AGK: variants seen among roughly 807,000 people sequenced by gnomAD.
AGK encodes acylglycerol kinase, mitochondrial.
A neutral mutation model predicts 66.4 loss-of-function variants in AGK; 52 were observed. The ratio of observed to expected loss-of-function variants is 0.78; its 90% CI spans 0.63 to 0.99. The LOEUF (loss-of-function observed/expected upper bound fraction) is 0.99, where lower values mean the gene tolerates loss of function less well. AGK is among the 50% of genes least tolerant of loss of function. AGK has a pLI of 0.00. For missense variants in AGK, 451 were observed against 506.6 expected, an observed-to-expected ratio of 0.89 and a Z score of 1.05; for synonymous variants, 182 against 181.1, an observed-to-expected ratio of 1.00 and a Z score of -0.04.
intron 2 of AGK, among the ~76,000 whole-genome samples, chr7:141,591,602 G>T (rs1257492547): frequency 6.6e-6 from 1 of 152,184 alleles, no homozygotes; most frequent in East Asian, 1.9e-4. Flanking sequence ...TCACCCAGAA[G>T]AGCCTGTTGC....
chr7:141,644,820 T>C (rs1797371945), intron 13 of AGK, among the ~76,000 whole-genome samples: 1 of 152,132 alleles, frequency 6.6e-6, no homozygotes, highest in African/African-American at 2.4e-5. Flanking sequence ...AAGCCAGTTG[T>C]CCAAGCGCCA....
chr7:141,621,092 C>G (rs1237811277), intron 8 of AGK, among the ~76,000 whole-genome samples: 2 of 152,170 alleles, frequency 1.3e-5, no homozygotes, highest in Admixed American at 1.3e-4. Context: ...ATCATCGAAC[C>G]TAATCATTGC....
At chr7:141,569,407 G>A (rs775616840) in intron 2 of AGK, among the ~76,000 whole-genome samples, 60 of 152,064 alleles carry the variant, frequency 3.9e-4, no homozygotes, top group Non-Finnish European at 6.3e-4. Context: ...GGCGGTGTGC[G>A]CCTGTAGTCC....
In AGK at chr7:141,654,287, C is replaced by T. The variant is rs1251840482; in HGVS notation, c.*1363C>T. ...AGAATGTTCTTTATCCTAATTAGTT[C>T]ATTTATCCAAGAATACATGAATGTG... On this transcript the variant is annotated 3_prime_UTR_variant, in exon 16 of 16. Transcript: ENST00000649286. The T allele has an allele frequency of 6.6e-6, 1 of 152,094 alleles. No individual in the cohort carries two copies. The highest frequency in any genetic ancestry group is 1.5e-5 in the Non-Finnish European group (1 of 68,012). 9.4% of individuals were successfully genotyped at this position (152,094 alleles called of 1,614,324 possible).
At chr7:141,630,730 A>G (rs1797037781) in intron 9 of AGK, among the ~76,000 whole-genome samples, 1 of 152,224 alleles carries the variant, frequency 6.6e-6, no homozygotes, top group Non-Finnish European at 1.5e-5. Context: ...AGTTGAAGGC[A>G]TTAAGTGGGA....
At chr7:141,651,775 A>C (rs374624714) in intron 15 of AGK, among the ~76,000 whole-genome samples, 166 bp downstream of exon 15, 1 of 152,232 alleles carries the variant, frequency 6.6e-6, no homozygotes, top group African/African-American at 2.4e-5. Context: ...GGAGCTGAAA[A>C]GGATGGCAGA....
At chr7:141,634,133 G>C (rs1158723389) in intron 10 of AGK, among the ~76,000 whole-genome samples, 153 bp downstream of exon 10, 1 of 152,190 alleles carries the variant, frequency 6.6e-6, no homozygotes, top group African/African-American at 2.4e-5. Flanking sequence ...GGAACAATCA[G>C]GTAGAGGTTT....
At chr7:141,565,741 A>G (rs898230873) in intron 2 of AGK, among the ~76,000 whole-genome samples, 1 of 151,718 alleles carries the variant, frequency 6.6e-6, no homozygotes, top group African/African-American at 2.4e-5. Context: ...TGCTCCCTCT[A>G]CATCTCTTAA....
chr7:141,631,379 A>C (rs1471187081), intron 9 of AGK, among the ~76,000 whole-genome samples: 1 of 152,204 alleles, frequency 6.6e-6, no homozygotes, highest in African/African-American at 2.4e-5. Flanking sequence ...ACTTCAAAAC[A>C]ATTGTTCTAC....
chr7:141,588,247 C>T (rs1249714868), intron 2 of AGK, among the ~76,000 whole-genome samples: 2 of 152,146 alleles, frequency 1.3e-5, no homozygotes, highest in African/African-American at 4.8e-5. Flanking sequence ...AGAAAGGGGT[C>T]CCAATCCAGA....
chr7:141,601,599 TG>T (rs1448270962), intron 5 of AGK, among the ~76,000 whole-genome samples: 1 of 152,188 alleles, frequency 6.6e-6, no homozygotes, highest in East Asian at 1.9e-4. Context: ...CCTTCAAGTC[TG>T]AGTAATTAAT....
intron 2 of AGK, among the ~76,000 whole-genome samples, chr7:141,587,807 C>G (rs1281424621): frequency 2.0e-5 from 3 of 152,222 alleles, no homozygotes; most frequent in Admixed American, 6.5e-5. Flanking sequence ...CCCTACTAAA[C>G]TATAAACTTC....
intron 2 of AGK, among the ~76,000 whole-genome samples, chr7:141,558,456 C>T (rs1224931853): frequency 1.3e-4 from 20 of 151,928 alleles, no homozygotes; most frequent in African/African-American, 9.7e-5. Context: ...TGAGCCACTG[C>T]GCCTGGCCTA....
chr7:141,612,642 G>A (rs1796615452), intron 6 of AGK, among the ~76,000 whole-genome samples: 1 of 152,150 alleles, frequency 6.6e-6, no homozygotes, highest in African/African-American at 2.4e-5. Context: ...GGGGGCCAGA[G>A]GGGACATGGG....
intron 13 of AGK, among the ~76,000 whole-genome samples, chr7:141,647,880 G>A (rs71545335): frequency 0.035 from 5,392 of 152,144 alleles, 150 homozygotes; most frequent in South Asian, 0.14. Flanking sequence ...CACGTTGGCC[G>A]GGCTGGTCTC....
At position 141,630,745 on chromosome 7, in the gene AGK, A is replaced by G. The variant is rs1281190529; in HGVS notation, c.589-3156A>G. On this transcript the variant is annotated intron_variant, in intron 9 of 15. Coordinates refer to ENST00000649286, the MANE Select transcript of AGK (RefSeq NM_018238.4). ...AGTTGAAGGCATTAAGTGGGATTTA[A>G]TTTAGACAATTTTTAGATTCAGTTC... is the stretch of plus-strand genomic sequence containing the variant. Among the ~76,000 whole-genome samples, 4 of 152,304 alleles carry G rather than the reference A, an allele frequency of 2.6e-5. No homozygotes were observed. The East Asian group carries it at 7.7e-4, about 29-fold the overall frequency.
chr7:141,580,266 T>A (rs565445865), intron 2 of AGK, among the ~76,000 whole-genome samples: 2 of 151,514 alleles, frequency 1.3e-5, no homozygotes, highest in East Asian at 3.9e-4. Flanking sequence ...GGTAGTGGAG[T>A]GGGGGCAGAG....
intron 5 of AGK, among the ~76,000 whole-genome samples, chr7:141,602,526 A>G (rs1183454158): frequency 2.0e-5 from 3 of 152,196 alleles, no homozygotes; most frequent in African/African-American, 7.2e-5. Context: ...TCTATAGCAT[A>G]TGTAATGTCT....
At chr7:141,609,253 G>A (rs1460999652) in intron 5 of AGK, among the ~76,000 whole-genome samples, 3 of 152,118 alleles carry the variant, frequency 2.0e-5, no homozygotes, top group South Asian at 2.1e-4. Flanking sequence ...AACGCCTGGA[G>A]TTAGTGCAGA....
Sources: allele counts gnomAD v4.1 joint callset (sites outside exome capture counted in the v4.1 genomes callset), GRCh38; gene constraint gnomAD v4.1.1; transcripts MANE v1.5; gene names NCBI Gene and HGNC (gene_info 2026-07-23, HGNC 2026-07-21).